The following LRFN5 variants were observed in gnomAD, a reference collection of about 807,000 sequenced individuals.
The protein encoded by LRFN5 is leucine-rich repeat and fibronectin type-III domain-containing protein 5.
A neutral mutation model predicts 45.6 loss-of-function variants in LRFN5; 24 were observed. That is an observed-to-expected ratio of 0.53 (90% CI 0.38 to 0.74). LRFN5 has a LOEUF of 0.74. Among genes scored for constraint, LRFN5 ranks in the 30% least tolerant of loss-of-function variants. The pLI is 0.00. For synonymous variants in LRFN5, 340 were observed against 313.8 expected (o/e 1.08, Z -0.88); for missense variants, 776 against 861.5 (o/e 0.90, Z 1.24).
intron 2 of LRFN5, among the ~76,000 whole-genome samples, chr14:41,771,118 G>A (rs939361499): frequency 1.3e-5 from 2 of 151,476 alleles, no homozygotes; most frequent in Non-Finnish European, 3.0e-5. Context: ...AAGTATATGG[G>A]GAGCAATATC....
intron 1 of LRFN5, among the ~76,000 whole-genome samples, chr14:41,743,407 C>T (rs1247030251): frequency 6.6e-6 from 1 of 152,048 alleles, no homozygotes; most frequent in Admixed American, 6.6e-5. Context: ...TAAACAGTGT[C>T]TGCTTTGGAA....
In LRFN5 at chr14:41,887,619, A is replaced by T. The variant is rs746120013; in HGVS notation, c.994A>T (p.Thr332Ser). ...TGAAGGGAAGCTTATTTCAAATGCA[A>T]CAAGATCTCTGGTGTATGATAACGG... is the stretch of plus-strand genomic sequence containing the variant. ...SPEGKLISNA[T>S]RSLVYDNGTL... The change falls in exon 3 of 6, where the codon ACA (threonine) becomes TCA (serine). Residue 332 changes from threonine (T) to serine (S), a missense_variant. Physicochemically the swap from Thr to Ser is moderately conservative, Grantham distance 58 (BLOSUM62 1). Around this residue, in one of 2 missense-constraint regions of LRFN5, gnomAD observed 311 missense variants for 405.1 expected, o/e 0.77. Coordinates refer to ENST00000298119, the MANE Select transcript of LRFN5 (RefSeq NM_152447.5). The surrounding 1 kb of genome is among the most constrained non-coding windows in gnomAD (Gnocchi z 4.8). 1.2e-6 allele frequency: 2 copies of T among 1,614,234 alleles called. No homozygotes were observed. Among genetic ancestry groups the T allele is most frequent in the Non-Finnish European group, 1.7e-6 (2 of 1,180,046 alleles).
chr14:41,820,095 G>T (rs1277702447), intron 2 of LRFN5, among the ~76,000 whole-genome samples: 1 of 151,562 alleles, frequency 6.6e-6, no homozygotes, highest in East Asian at 1.9e-4. Flanking sequence ...TGTGTGTTTT[G>T]CTATGCAGAA....
chr14:41,620,447 T>C (rs551920311), intron 1 of LRFN5, among the ~76,000 whole-genome samples: 2 of 152,068 alleles, frequency 1.3e-5, no homozygotes, highest in South Asian at 2.1e-4. Flanking sequence ...GTGTATACCA[T>C]TGGTTTTGTG....
intron 1 of LRFN5, among the ~76,000 whole-genome samples, chr14:41,633,484 G>T (rs945033963): frequency 6.6e-6 from 1 of 152,036 alleles, no homozygotes; most frequent in Non-Finnish European, 1.5e-5. Context: ...TGAATAATCA[G>T]TTCAGGATTA....
rs183883789 is a variant in LRFN5, at chr14:41,799,368, C to G, written c.-21+32339C>G. On this transcript the variant is annotated intron_variant, in intron 2 of 5. Coordinates refer to ENST00000298119, the MANE Select transcript of LRFN5 (RefSeq NM_152447.5). ...CTGCCAGGCATTGTGTGCACAGCAACATGTGTGTATTGAGGGGGATCACTG... is the reference window on the plus strand; with the variant it reads ...CTGCCAGGCATTGTGTGCACAGCAAGATGTGTGTATTGAGGGGGATCACTG... 4.2e-3 allele frequency among the ~76,000 whole-genome samples: 645 copies of G among 152,090 alleles called. 6 individuals carry two copies. Among genetic ancestry groups the G allele is most frequent in the Admixed American group, 0.016 (245 of 15,218 alleles).
At chr14:41,756,519 A>ACTGACACC (rs1885391712) in intron 1 of LRFN5, among the ~76,000 whole-genome samples, 2 of 151,546 alleles carry the variant, frequency 1.3e-5, no homozygotes, top group African/African-American at 2.4e-5. Context: ...ATCTTCCATC[A>ACTGACACC]CTGATACCCT....
At chr14:41,676,829 A>G (rs574414447) in intron 1 of LRFN5, among the ~76,000 whole-genome samples, 2 of 152,348 alleles carry the variant, frequency 1.3e-5, no homozygotes, top group South Asian at 4.1e-4. Flanking sequence ...TCTTTAAAAT[A>G]TCATCACAGA....
chr14:41,722,629 A>G (rs1286075210), intron 1 of LRFN5, among the ~76,000 whole-genome samples: 1 of 149,996 alleles, frequency 6.7e-6, no homozygotes, highest in East Asian at 2.0e-4. Context: ...GATTGTAAAG[A>G]ATGTTGGGAA....
intron 2 of LRFN5, among the ~76,000 whole-genome samples, chr14:41,859,489 T>C (rs1218285169): frequency 6.6e-6 from 1 of 152,198 alleles, no homozygotes; most frequent in African/African-American, 2.4e-5. Context: ...TTGTAACAAG[T>C]AGGCAGTGAC....
chr14:41,643,088 C>T (rs1450613066), intron 1 of LRFN5, among the ~76,000 whole-genome samples: 1 of 152,054 alleles, frequency 6.6e-6, no homozygotes, highest in East Asian at 1.9e-4. Flanking sequence ...AATTTAGGAG[C>T]AAAATACAGC....
rs543162476 is a variant in LRFN5, at chr14:41,775,008, A to G, written c.-21+7979A>G. Among the ~76,000 whole-genome samples the G allele has an allele frequency of 1.8e-4, 28 of 151,628 alleles. No homozygotes were observed. In the South Asian group the frequency reaches 5.6e-3, roughly 30 times the overall value. On this transcript the variant is annotated intron_variant, in intron 2 of 5. Transcript: ENST00000298119. ...GATAACTGACTCAACATAAAAACAC[A>G]TTTCCCCTGTAGTAATACAATAAAA...
At chr14:41,621,569 C>G (rs1396017344) in intron 1 of LRFN5, among the ~76,000 whole-genome samples, 1 of 152,060 alleles carries the variant, frequency 6.6e-6, no homozygotes, top group Admixed American at 6.6e-5. Context: ...CGGTCCCGAG[C>G]TTGTTGGAGT....
intron 1 of LRFN5, among the ~76,000 whole-genome samples, chr14:41,613,420 C>G (rs1427584676): frequency 6.6e-6 from 1 of 151,906 alleles, no homozygotes; most frequent in Non-Finnish European, 1.5e-5. Context: ...TACCCCAGAA[C>G]TTAAAATAAA....
chr14:41,648,405 G>A (rs1276265772), intron 1 of LRFN5, among the ~76,000 whole-genome samples: 1 of 151,874 alleles, frequency 6.6e-6, no homozygotes, highest in Non-Finnish European at 1.5e-5. Context: ...GAATTCAATA[G>A]TTTGCTTTAA....
chr14:41,755,026 G>A (rs12493843), intron 1 of LRFN5, among the ~76,000 whole-genome samples: 4,055 of 152,046 alleles, frequency 0.027, 183 homozygotes, highest in African/African-American at 0.092. Context: ...TTATGTACCC[G>A]GTAGTCATTC....
chr14:41,836,573 G>C (rs1406599147), intron 2 of LRFN5, among the ~76,000 whole-genome samples: 1 of 152,076 alleles, frequency 6.6e-6, no homozygotes, highest in Non-Finnish European at 1.5e-5. Context: ...GGGGAGTGGG[G>C]CCCAAAGCTG....
In LRFN5 at chr14:41,609,533, T is replaced by C. The variant is rs536831917; in HGVS notation, c.-197+971T>C. ...AGCCCTTTACCCTGGCGCCTTTTTT[T>C]CCCCTGAATTCCCTTTCGTCTTATC... On this transcript the variant is annotated intron_variant, in intron 1 of 5. Coordinates refer to ENST00000298119, the MANE Select transcript of LRFN5 (RefSeq NM_152447.5). 1.2e-4 allele frequency among the ~76,000 whole-genome samples: 19 copies of C among 152,250 alleles called. No homozygotes were observed. In the South Asian group the frequency reaches 3.1e-3, roughly 25 times the overall value.
chr14:41,782,449 A>T (rs1465626350), intron 2 of LRFN5, among the ~76,000 whole-genome samples: 1 of 151,998 alleles, frequency 6.6e-6, no homozygotes, highest in African/African-American at 2.4e-5. Context: ...TGTCTTTTTT[A>T]GAGCCCTTAA....
Sources: gnomAD v4.1 joint callset for allele counts (sites outside exome capture counted in the v4.1 genomes callset) on GRCh38, gnomAD v4.1.1 for gene constraint, gnomAD v4.1.1 regional missense constraint, Gnocchi (gnomAD v3.1) non-coding constraint, MANE v1.5 for transcripts, NCBI Gene and HGNC (gene_info 2026-07-23, HGNC 2026-07-21) for gene names.